Variants in NRXN3 observed in about 807,000 individuals in gnomAD.
NRXN3 encodes neurexin III.
Under a neutral mutation model 137.6 loss-of-function variants are expected in NRXN3, and 32 were observed. The ratio of observed to expected loss-of-function variants is 0.23; its 90% CI spans 0.18 to 0.31. The LOEUF is 0.31. Ranked by LOEUF, NRXN3 falls within the 10% of genes least tolerant of loss-of-function variation. The pLI, the probability that NRXN3 is intolerant of heterozygous loss-of-function variation, is 1.00. For synonymous variants in NRXN3, 798 were observed against 784.5 expected, an observed-to-expected ratio of 1.02 and a Z score of -0.29; for missense variants, 1,574 against 2,062.5, an observed-to-expected ratio of 0.76 and a Z score of 4.59.
At chr14:79,350,867 A>G (rs1395957356) in intron 15 of NRXN3, among the ~76,000 whole-genome samples, 1 of 152,158 alleles carries the variant, frequency 6.6e-6, no homozygotes, top group Non-Finnish European at 1.5e-5. Flanking sequence ...AGCAGTTATG[A>G]GATTGAGTGT....
intron 20 of NRXN3, among the ~76,000 whole-genome samples, chr14:79,826,078 C>T (rs2099298907): frequency 6.6e-6 from 1 of 152,040 alleles, no homozygotes; most frequent in Non-Finnish European, 1.5e-5. Flanking sequence ...TCACTGCAAC[C>T]TCTGCCTCCT....
chr14:78,912,843 C>G (rs1299493647), intron 10 of NRXN3, among the ~76,000 whole-genome samples: 2 of 152,086 alleles, frequency 1.3e-5, no homozygotes, highest in African/African-American at 2.4e-5. Flanking sequence ...AATTAAGGAC[C>G]TAACCAAGTT....
At chr14:79,041,522 A>C (rs1176817435) in intron 15 of NRXN3, among the ~76,000 whole-genome samples, 1 of 152,344 alleles carries the variant, frequency 6.6e-6, no homozygotes, top group South Asian at 2.1e-4. Context: ...ATGTCTTAAT[A>C]TAGCCTTGGG....
At position 79,300,909 on chromosome 14, in the gene NRXN3, CTT is replaced by C. The variant is rs201419466; in HGVS notation, c.3263-166310_3263-166309del. Among the ~76,000 whole-genome samples, 998 of 152,144 alleles carry C rather than the reference CTT, an allele frequency of 6.6e-3. 13 individuals are homozygous for C. The highest frequency in any genetic ancestry group is 0.022 in the African/African-American group (916 of 41,544). ...AAAATAAAGATTTGGGAAATAAAGA[CTT>C]TGCCAGAGCAGGGATTATAAAGAAG... On this transcript the variant is annotated intron_variant, in intron 15 of 20. Coordinates refer to ENST00000335750, the MANE Select transcript of NRXN3 (RefSeq NM_001330195.2).
intron 4 of NRXN3, among the ~76,000 whole-genome samples, chr14:78,314,379 C>T (rs931056906): frequency 1.3e-4 from 20 of 152,264 alleles, no homozygotes; most frequent in African/African-American, 2.6e-4. Flanking sequence ...TTCCAGTTTG[C>T]GGTGCAGATT....
At chr14:79,034,978 A>T (rs1014852066) in intron 15 of NRXN3, among the ~76,000 whole-genome samples, 4 of 152,152 alleles carry the variant, frequency 2.6e-5, no homozygotes, top group African/African-American at 7.2e-5. Flanking sequence ...TGCCATGTGG[A>T]GTAAGATTAT....
At chr14:78,256,739 A>G (rs2069686572) in intron 2 of NRXN3, among the ~76,000 whole-genome samples, 1 of 152,244 alleles carries the variant, frequency 6.6e-6, no homozygotes, top group Non-Finnish European at 1.5e-5. Flanking sequence ...TTAACAATGC[A>G]TTGATAACTC....
At chr14:78,823,769 G>C (rs2098958072) in intron 10 of NRXN3, among the ~76,000 whole-genome samples, 2 of 152,064 alleles carry the variant, frequency 1.3e-5, no homozygotes, top group African/African-American at 4.8e-5. Context: ...AAAGAGTCAT[G>C]AATATTTACG....
chr14:79,757,220 A>C (rs1403057727), intron 19 of NRXN3, among the ~76,000 whole-genome samples: 1 of 152,148 alleles, frequency 6.6e-6, no homozygotes, highest in Non-Finnish European at 1.5e-5. Flanking sequence ...TCAGATTAGC[A>C]ACAACGTATT....
intron 1 of NRXN3, among the ~76,000 whole-genome samples, chr14:78,235,269 A>G (rs2153445075): frequency 6.6e-6 from 1 of 151,598 alleles, no homozygotes; most frequent in South Asian, 2.1e-4. Flanking sequence ...CATAACTCTC[A>G]GTGTCAGTTC....
At chr14:78,884,374 T>C (rs529117976) in intron 10 of NRXN3, among the ~76,000 whole-genome samples, 1 of 152,240 alleles carries the variant, frequency 6.6e-6, no homozygotes, top group South Asian at 2.1e-4. Context: ...CAACAAAATA[T>C]CTTCTGGGTA....
At chr14:78,207,218 G>A (rs2062285907) in intron 1 of NRXN3, among the ~76,000 whole-genome samples, 2 of 152,100 alleles carry the variant, frequency 1.3e-5, no homozygotes, top group South Asian at 4.2e-4. Context: ...TACAGGGTGT[G>A]TTTGTTTCTT....
At chr14:79,031,537 G>T (rs1189928401) in intron 15 of NRXN3, among the ~76,000 whole-genome samples, 1 of 152,038 alleles carries the variant, frequency 6.6e-6, no homozygotes, top group Non-Finnish European at 1.5e-5. Context: ...AACAAAATGA[G>T]GGCACTATAA....
intron 20 of NRXN3, among the ~76,000 whole-genome samples, chr14:79,859,916 T>C (rs1234162484): frequency 4.6e-5 from 7 of 152,160 alleles, no homozygotes; most frequent in Non-Finnish European, 1.0e-4. Flanking sequence ...TAAAGAGACA[T>C]GGACTATGAC....
In NRXN3 at chr14:79,435,044, A is replaced by C. The variant is rs2095822708; in HGVS notation, c.3263-32177A>C. Among the ~76,000 whole-genome samples, 3 of 152,306 alleles carry C rather than the reference A, an allele frequency of 2.0e-5. No homozygotes were observed. The South Asian group carries it at 6.2e-4, about 32-fold the overall frequency. ...TCTTGAAGGCTGAATTCAGTAGCAC[A>C]TCCACTGCAACTGAATATCTGATTC... On this transcript the variant is annotated intron_variant, in intron 15 of 20. Coordinates refer to ENST00000335750, the MANE Select transcript of NRXN3 (RefSeq NM_001330195.2).
intron 1 of NRXN3, chr14:78,231,640 A>T (rs1281752369): frequency 2.0e-5 from 3 of 152,154 alleles, no homozygotes; most frequent in Non-Finnish European, 2.9e-5. Flanking sequence ...AGGAGCTGAG[A>T]TCTGCACCCT....
intron 4 of NRXN3, among the ~76,000 whole-genome samples, chr14:78,511,239 ATTGGGCG>A (rs2096101254): frequency 6.6e-6 from 1 of 152,212 alleles, no homozygotes; most frequent in South Asian, 2.1e-4. Context: ...ATATGGGGAC[ATTGGGCG>A]TGTTTTAAGC....
chr14:79,821,904 T>C (rs1184912398), intron 20 of NRXN3, among the ~76,000 whole-genome samples: 2 of 152,070 alleles, frequency 1.3e-5, no homozygotes, highest in Non-Finnish European at 2.9e-5. Flanking sequence ...TTATTGATAT[T>C]ATATATTAAG....
intron 16 of NRXN3, among the ~76,000 whole-genome samples, chr14:79,568,028 CT>C (rs1468267352): frequency 5.3e-5 from 8 of 152,186 alleles, no homozygotes; most frequent in African/African-American, 1.4e-4. Flanking sequence ...GTTTTGGGTG[CT>C]AGAGCATGCT....
Sources: allele counts gnomAD v4.1 joint callset (sites outside exome capture counted in the v4.1 genomes callset), GRCh38; gene constraint gnomAD v4.1.1; transcripts MANE v1.5; gene names NCBI Gene and HGNC (gene_info 2026-07-23, HGNC 2026-07-21).